Variants in CARF observed in about 807,000 individuals in gnomAD.
CARF encodes calcium-responsive transcription factor.
Under a neutral mutation model 82.0 loss-of-function variants are expected in CARF, and 57 were observed. The observed-to-expected ratio is 0.70, with a 90% CI of 0.56 to 0.87. The LOEUF (loss-of-function observed/expected upper bound fraction) is 0.87, where lower values mean the gene tolerates loss of function less well. Ranked by LOEUF, CARF falls within the 40% of genes least tolerant of loss-of-function variation. The pLI is 0.00. For missense variants in CARF, 771 were observed against 855.8 expected (o/e 0.90, Z 1.24); for synonymous variants, 268 against 290.1 (o/e 0.92, Z 0.77).
intron 16 of CARF, 90 bp downstream of exon 16, chr2:202,982,531 C>A: frequency 7.1e-7 from 1 of 1,417,642 alleles, no homozygotes; most frequent in Non-Finnish European, 9.6e-7. Flanking sequence ...ATTATTTCTA[C>A]CCAGTGGGTC....
intron 14 of CARF, 60 bp downstream of exon 14, chr2:202,977,392 T>C: frequency 7.9e-7 from 1 of 1,269,278 alleles, no homozygotes; most frequent in Non-Finnish European, 1.1e-6. Context: ...TGGAAGGAAC[T>C]TAAGATATTA....
Position 202,986,889 on chromosome 2 carries a change from T to TAC in CARF, c.*3266_*3267insCA, listed in dbSNP as rs1300733209. On this transcript the variant is annotated 3_prime_UTR_variant, in exon 17 of 17. Coordinates refer to ENST00000438828, the MANE Select transcript of CARF (RefSeq NM_024744.17). ...GTGCGTATATATATATATATATATA[T>TAC]ATATATATATATATATATAGCAACT... 8.9e-3 allele frequency: 1,137 copies of TAC among 127,360 alleles called. 18 individuals carry two copies. Among genetic ancestry groups the TAC allele is most frequent in the Middle Eastern group, 0.037 (8 of 216 alleles). The allele number at this position is 127,360 out of a possible 1,614,324, so 7.9% of individuals were successfully genotyped here. A position where few individuals can be genotyped will look rare whatever the true frequency, so the allele number is the denominator to read the frequency against.
In CARF at chr2:202,975,556, G is replaced by A. The variant is rs185237213; in HGVS notation, c.1494+1060G>A. Among the ~76,000 whole-genome samples, 42 of 150,950 alleles carry A rather than the reference G, an allele frequency of 2.8e-4. No individual in the cohort carries two copies. In the East Asian group the frequency reaches 4.8e-3, roughly 17 times the overall value. ...TGGGAGGCGGAGGTTGCAGTGAGCT[G>A]AGATAGCGCCACTGCACTCCAGCCT... On this transcript the variant is annotated intron_variant, in intron 13 of 16. Coordinates refer to ENST00000438828, the MANE Select transcript of CARF (RefSeq NM_024744.17).
At chr2:202,926,948 G>A (rs1691942329) in intron 3 of CARF, among the ~76,000 whole-genome samples, 2 of 152,086 alleles carry the variant, frequency 1.3e-5, no homozygotes, top group African/African-American at 2.4e-5. Context: ...TGAGTAGCTG[G>A]GACTACAGGC....
chr2:202,920,359 G>A (rs1690566947), intron 2 of CARF, among the ~76,000 whole-genome samples: 3 of 152,066 alleles, frequency 2.0e-5, no homozygotes, highest in Admixed American at 1.3e-4. Flanking sequence ...GTTTCACCAT[G>A]TTAGCCATGA....
At position 202,983,529 on chromosome 2, in the gene CARF, A is replaced by T. The variant is rs201849758; in HGVS notation, c.2083A>T (p.Ile695Phe). The change falls in exon 17 of 17, where the codon ATT becomes TTT. Residue 695 changes from isoleucine (I) to phenylalanine (F), a missense_variant. Ile to Phe is a conservative substitution (Grantham distance 21). Transcript: ENST00000438828. The part of the protein sequence containing the change: ...ALIEENPEST[I>F]SVSQVKQEPK... The stretch of plus-strand genomic sequence containing the variant: ...AGTTGAAGAAAATCCAGAAAGTACC[A>T]TTTCTGTGAGCCAAGTTAAACAAGA... The T allele has an allele frequency of 2.0e-4, 320 of 1,608,244 alleles. 1 individual carries two copies. The highest frequency in any genetic ancestry group is 1.9e-3 in the South Asian group (173 of 89,730).
chr2:202,951,839 T>C (rs1296972439), intron 5 of CARF, among the ~76,000 whole-genome samples: 5 of 151,182 alleles, frequency 3.3e-5, no homozygotes, highest in Non-Finnish European at 5.9e-5. Context: ...AAGTTACCTT[T>C]TTTTTTTTTT....
At chr2:202,959,665 C>T (rs914235313) in intron 8 of CARF, among the ~76,000 whole-genome samples, 1 of 151,788 alleles carries the variant, frequency 6.6e-6, no homozygotes, top group Admixed American at 6.6e-5. Flanking sequence ...CTAAAAATAC[C>T]AGGCATGGTG....
At position 202,984,398 on chromosome 2, in the gene CARF, G is replaced by GCTTC. The variant is rs1211023583; in HGVS notation, c.*775_*776insTTCC. ...CTATATTGGAAGTAAAACACTATAG[G>GCTTC]CAGAAAGATGTAGAAATTAAGAGAA... On this transcript the variant is annotated 3_prime_UTR_variant, in exon 17 of 17. Coordinates refer to ENST00000438828, the MANE Select transcript of CARF (RefSeq NM_024744.17). The GCTTC allele has an allele frequency of 3.5e-4, 53 of 152,246 alleles. No homozygotes were observed. Among genetic ancestry groups the GCTTC allele is most frequent in the African/African-American group, 1.3e-3 (53 of 41,562 alleles). The allele number at this position is 152,246 out of a possible 1,614,324, so 9.4% of individuals were successfully genotyped here.
chr2:202,975,394 A>G (rs2059983425), intron 13 of CARF, among the ~76,000 whole-genome samples: 2 of 151,928 alleles, frequency 1.3e-5, no homozygotes, highest in Non-Finnish European at 2.9e-5. Flanking sequence ...CGGTGAGCCA[A>G]GATCGTGCCA....
intron 2 of CARF, among the ~76,000 whole-genome samples, chr2:202,923,645 A>G (rs1439478338): frequency 2.6e-5 from 4 of 152,206 alleles, no homozygotes; most frequent in South Asian, 4.1e-4. Context: ...ATGTGGAACT[A>G]AAAAAGAGCC....
intron 3 of CARF, among the ~76,000 whole-genome samples, chr2:202,928,742 G>A (rs986481741): frequency 3.3e-5 from 5 of 151,934 alleles, no homozygotes; most frequent in African/African-American, 9.7e-5. Flanking sequence ...ATATATACCC[G>A]TTGACCATTC....
chr2:202,946,891 G>T (rs2058522428), intron 5 of CARF, among the ~76,000 whole-genome samples: 1 of 151,952 alleles, frequency 6.6e-6, no homozygotes, highest in East Asian at 1.9e-4. Context: ...ATCATCATCG[G>T]TCATTAGAGG....
intron 3 of CARF, among the ~76,000 whole-genome samples, chr2:202,928,061 G>A (rs1355968838): frequency 2.0e-5 from 3 of 152,102 alleles, no homozygotes; most frequent in African/African-American, 4.8e-5. Flanking sequence ...AGGATTACAG[G>A]CATGAGCAAC....
At chr2:202,914,730 G>T (rs566571977) in intron 1 of CARF, among the ~76,000 whole-genome samples, 30 of 132,604 alleles carry the variant, frequency 2.3e-4, no homozygotes, top group Non-Finnish European at 3.2e-4. Context: ...AGTAAGCCAA[G>T]ATCACGCCAC....
Position 202,952,609 on chromosome 2 carries a change from A to C in CARF, c.357A>C (p.Pro119=). Reference sequence around the variant, plus strand: ...ATGGACAGGTACTTCGTGTAATTCCACCTACCCAGACAGGAATGGCACAAG... The same window carrying C: ...ATGGACAGGTACTTCGTGTAATTCCCCCTACCCAGACAGGAATGGCACAAG... ...TENGQVLRVI[P]PTQTGMAQVI... is the part of the protein sequence containing the mutation. Residue 119 remains proline, a synonymous_variant, in exon 6 of 17, where the codon CCA becomes CCC. Coordinates refer to ENST00000438828, the MANE Select transcript of CARF (RefSeq NM_024744.17). 6.2e-7 allele frequency: 1 copy of C among 1,613,540 alleles called. No homozygotes were observed. Among genetic ancestry groups the C allele is most frequent in the Non-Finnish European group, 8.5e-7 (1 of 1,179,888 alleles).
rs892186696 is a variant in CARF at position 202,983,926 on chromosome 2, C to A, written c.*302C>A. On this transcript the variant is annotated 3_prime_UTR_variant, in exon 17 of 17. Coordinates refer to ENST00000438828, the MANE Select transcript of CARF (RefSeq NM_024744.17). ...GTCTGAACACAAATAGTTTACTTAA[C>A]TTATCCTTGGAAATATTCAATTTTG... 1 of 219,752 alleles carries A rather than the reference C, an allele frequency of 4.6e-6. No homozygotes were observed. The highest frequency in any genetic ancestry group is 2.3e-5 in the African/African-American group (1 of 43,480). 13.6% of individuals were successfully genotyped at this position (219,752 alleles called of 1,614,324 possible).
intron 13 of CARF, among the ~76,000 whole-genome samples, chr2:202,976,071 C>G (rs1345387935): frequency 6.6e-6 from 1 of 152,008 alleles, no homozygotes; most frequent in Non-Finnish European, 1.5e-5. Context: ...ATCCATCTAT[C>G]CATCCATCCA....
Position 202,982,375 on chromosome 2 carries a change from C to T in CARF, c.1993C>T (p.His665Tyr). The T allele has an allele frequency of 6.2e-7, 1 of 1,614,076 alleles. No homozygotes were observed. Among genetic ancestry groups the T allele is most frequent in the East Asian group, 2.2e-5 (1 of 44,864 alleles). ...TACAGGGAATCTGGAAGGAACTGTTCATCGGATTCTGTTGGGAGATGTGCA... is the reference window on the plus strand; with the variant it reads ...TACAGGGAATCTGGAAGGAACTGTTTATCGGATTCTGTTGGGAGATGTGCA... Reference protein sequence around the residue: ...EDTGNLEGTVHRILLGDVQTI... With the variant: ...EDTGNLEGTVYRILLGDVQTI... Residue 665 changes from histidine to tyrosine, a missense_variant, in exon 16 of 17, where the codon CAT becomes TAT. Coordinates refer to ENST00000438828, the MANE Select transcript of CARF (RefSeq NM_024744.17).
Sources: allele counts gnomAD v4.1 joint callset (sites outside exome capture counted in the v4.1 genomes callset), GRCh38; gene constraint gnomAD v4.1.1; transcripts MANE v1.5; gene names NCBI Gene and HGNC (gene_info 2026-07-23, HGNC 2026-07-21).